ACTRT1: variants seen among roughly 807,000 people sequenced by gnomAD.
ACTRT1 encodes the protein actin-related protein T1.
In ACTRT1, 1 loss-of-function variant was observed where a neutral mutation model predicts 1.4. That is an observed-to-expected ratio of 0.69 (90% CI 0.25 to 3.28). The LOEUF (loss-of-function observed/expected upper bound fraction) is 3.28. ACTRT1 is among the 30% of genes most tolerant of loss of function. ACTRT1 has a pLI of 0.20. For missense variants in ACTRT1, 334 were observed against 291.5 expected, an observed-to-expected ratio of 1.15 and a Z score of -1.06; for synonymous variants, 121 against 115.2, an observed-to-expected ratio of 1.05 and a Z score of -0.32.
rs1206354458 is a variant in ACTRT1 at position 128,051,276 on chromosome X, C to T, written c.931G>A (p.Glu311Lys). The T allele has an allele frequency of 1.7e-6, 2 of 1,210,857 alleles. No individual in the cohort carries two copies. Among genetic ancestry groups the T allele is most frequent in the Non-Finnish European group, 1.1e-6 (1 of 895,359 alleles). The stretch of plus-strand genomic sequence containing the variant: ...TCCACTTCCTTCATGAGCCTTTCCT[C>T]CAGCCCAGGGAGGAGAGTGGTGCCC... ...SGGTTLLPGLEERLMKEVEQL... is the reference protein window; with the variant it reads ...SGGTTLLPGLKERLMKEVEQL... The change falls in exon 1 of 1, where the codon GAG becomes AAG. Residue 311 changes from glutamate (E) to lysine (K), a missense_variant. By Grantham distance (56) the Glu-to-Lys change is moderately conservative. Coordinates refer to ENST00000371124, the MANE Select transcript of ACTRT1 (RefSeq NM_138289.4).
rs766476347 is a variant in ACTRT1, at chrX:128,051,981, G to A, written c.226C>T (p.Arg76Cys). 3.3e-5 allele frequency: 40 copies of A among 1,211,453 alleles called. No individual in the cohort carries two copies. The South Asian group carries it at 6.7e-4, about 20-fold the overall frequency. The change falls in exon 1 of 1, where the codon CGT becomes TGT. Residue 76 changes from arginine to cysteine, a missense_variant. Arg to Cys is a radical substitution (Grantham distance 180). Transcript: ENST00000371124. ...EALHLHYPIE[R>C]GLVTGWDDME... ...TCATCCCATCCTGTTACCAGTCCAC[G>A]CTCAATGGGGTAGTGCAAATGTAGG...
chrX:128,051,109 A>G lies in ACTRT1; in HGVS notation c.1098T>C (p.Tyr366=). The G allele has an allele frequency of 1.7e-6, 2 of 1,210,060 alleles. No homozygotes were observed. The highest frequency in any genetic ancestry group is 1.8e-5 in the South Asian group (1 of 56,779). Residue 366 remains tyrosine, a synonymous_variant, in exon 1 of 1, where the codon TAT becomes TAC. Transcript: ENST00000371124. ...ACCTTCTTTGAACCACAGATGTCCC[A>G]TACTCCTTGAAGTCTGCCGAGGTGA... ...MWVTSADFKE[Y]GTSVVQRRCF
rs776268652 is a variant in ACTRT1, at chrX:128,051,923, C to T, written c.284G>A (p.Arg95Gln). The T allele has an allele frequency of 2.3e-5, 28 of 1,210,116 alleles. No individual in the cohort carries two copies. In the East Asian group the frequency reaches 3.3e-4, roughly 14 times the overall value. Residue 95 changes from arginine to glutamine, a missense_variant, in exon 1 of 1, where the codon CGG becomes CAG. Transcript: ENST00000371124. ...TTGGCTGGGTTTTACTCCAAGCTCC[C>T]GCTCAAAGAGATGTTTCCAGAGTTT... is the stretch of plus-strand genomic sequence containing the variant. Reference protein sequence around the residue: ...MEKLWKHLFERELGVKPSQQP... With the variant: ...MEKLWKHLFEQELGVKPSQQP...
In ACTRT1 at chrX:128,051,619, G is replaced by C. The variant is rs768394498; in HGVS notation, c.588C>G (p.Leu196=). ...RDITEHLTRL[L]FASGFNFPCI... is the part of the protein sequence containing the mutation. ...AAGGGAAGTTAAACCCGCTAGCAAA[G>C]AGGAGCCGGGTGAGGTGCTCTGTGA... Residue 196 remains leucine (L), a synonymous_variant, in exon 1 of 1, where the codon CTC becomes CTG. Transcript: ENST00000371124. 8.3e-7 allele frequency: 1 copy of C among 1,211,204 alleles called. No individual in the cohort carries two copies. The highest frequency in any genetic ancestry group is 1.1e-6 in the Non-Finnish European group (1 of 895,429).
chrX:128,051,442 C>T lies in ACTRT1; in HGVS notation c.765G>A (p.Leu255=), dbSNP rs1160360503. The T allele has an allele frequency of 1.7e-6, 2 of 1,208,579 alleles. No individual in the cohort carries two copies. The highest frequency in any genetic ancestry group is 4.4e-5 in the Admixed American group (2 of 45,530). The change falls in exon 1 of 1, where the codon CTG becomes CTA. Residue 255 remains leucine (L), a synonymous_variant. Transcript: ENST00000371124. ...CAAAAAGAACCTCGGGCACTTGGTA[C>T]AGCTCATCCCCAAAGTGGATGACAT... ...DGHVIHFGDE[L]YQVPEVLFAP...
rs1435981537 is a variant in ACTRT1 at position 128,052,250 on chromosome X, A to G, written c.-44T>C. The G allele has an allele frequency of 8.9e-7, 1 of 1,125,321 alleles. No individual in the cohort carries two copies. The highest frequency in any genetic ancestry group is 2.2e-5 in the South Asian group (1 of 45,020). The allele number at this position is 1,125,321 out of a possible 1,213,427, so 92.7% of individuals were successfully genotyped here. A position where few individuals can be genotyped will look rare whatever the true frequency, so the allele number is the denominator to read the frequency against. On this transcript the variant is annotated 5_prime_UTR_variant, in exon 1 of 1. Transcript: ENST00000371124. ...TGGACTTCCCCCAAATAAAGAAAGA[A>G]CACTTACGTCACTCTCTGAGATGAC... is the stretch of plus-strand genomic sequence containing the variant.
In ACTRT1 at chrX:128,051,994, G is replaced by C. The variant is rs777364771; in HGVS notation, c.213C>G (p.His71Gln). 4.5e-5 allele frequency: 54 copies of C among 1,211,594 alleles called. No homozygotes were observed. Among genetic ancestry groups the C allele is most frequent in the Non-Finnish European group, 6.0e-5 (54 of 895,444 alleles). The change falls in exon 1 of 1, where the codon CAC (histidine) becomes CAG (glutamine). Residue 71 changes from histidine (H) to glutamine (Q), a missense_variant. By Grantham distance (24) the His-to-Gln change is conservative. Transcript: ENST00000371124. ...ALYKYEALHL[H>Q]YPIERGLVTG... ...TTACCAGTCCACGCTCAATGGGGTA[G>C]TGCAAATGTAGGGCCTCATACTTGT...
chrX:128,051,246 G>A lies in ACTRT1; in HGVS notation c.961C>T (p.Leu321=). Residue 321 remains leucine (L), a synonymous_variant, in exon 1 of 1, where the codon CTG becomes TTG. Transcript: ENST00000371124. Reference sequence around the variant, plus strand: ...TTGATGGGAGTACCTTTGGAAGCCAGCTGTTCCACTTCCTTCATGAGCCTT... The same window carrying A: ...TTGATGGGAGTACCTTTGGAAGCCAACTGTTCCACTTCCTTCATGAGCCTT... ...EERLMKEVEQ[L]ASKGTPIKIT... 1 of 1,211,091 alleles carries A rather than the reference G, an allele frequency of 8.3e-7. No homozygotes were observed.
Position 128,051,168 on chromosome X carries a change from T to C in ACTRT1, c.1039A>G (p.Met347Val), listed in dbSNP as rs1341644647. ...CFSAWIGASIMTSMSSFKQMW... is the reference protein window; with the variant it reads ...CFSAWIGASIVTSMSSFKQMW... ...TGCTTGAAACTGCTCATAGAGGTCA[T>C]GATGGATGCACCAATCCATGCAGAG... Residue 347 changes from methionine to valine, a missense_variant, in exon 1 of 1, where the codon ATG (methionine) becomes GTG (valine). By Grantham distance (21) the Met-to-Val change is conservative (BLOSUM62 1). Coordinates refer to ENST00000371124, the MANE Select transcript of ACTRT1 (RefSeq NM_138289.4). 2.4e-5 allele frequency: 29 copies of C among 1,210,300 alleles called. No individual in the cohort carries two copies. The highest frequency in any genetic ancestry group is 2.3e-4 in the Middle Eastern group (1 of 4,354).
In ACTRT1 at chrX:128,051,016, A is replaced by G. The variant is rs1602587100; in HGVS notation, c.*60T>C. 10 of 1,131,826 alleles carry G rather than the reference A, an allele frequency of 8.8e-6. No individual in the cohort carries two copies. The highest frequency in any genetic ancestry group is 7.2e-5 in the African/African-American group (4 of 55,212). 93.3% of individuals were successfully genotyped at this position (1,131,826 alleles called of 1,213,427 possible). On this transcript the variant is annotated 3_prime_UTR_variant, in exon 1 of 1. Transcript: ENST00000371124. ...ATGCTGAAGCCCAGAAGAAAATGCCATCTCCCACTGGTACTCCTGTAATCT... is the reference window on the plus strand; with the variant it reads ...ATGCTGAAGCCCAGAAGAAAATGCCGTCTCCCACTGGTACTCCTGTAATCT...
rs201507937 is a variant in ACTRT1 at position 128,051,262 on chromosome X, C to T, written c.945G>A (p.Met315Ile). Residue 315 changes from methionine to isoleucine, a missense_variant, in exon 1 of 1, where the codon ATG (methionine) becomes ATA (isoleucine). Transcript: ENST00000371124. ...TLLPGLEERL[M>I]KEVEQLASKG... ...TGGAAGCCAGCTGTTCCACTTCCTT[C>T]ATGAGCCTTTCCTCCAGCCCAGGGA... is the stretch of plus-strand genomic sequence containing the variant. 8.3e-7 allele frequency: 1 copy of T among 1,208,404 alleles called. No individual in the cohort carries two copies. The highest frequency in any genetic ancestry group is 3.0e-5 in the East Asian group (1 of 33,592).
chrX:128,051,131 G>T lies in ACTRT1; in HGVS notation c.1076C>A (p.Thr359Asn). The change falls in exon 1 of 1, where the codon ACC becomes AAC. Residue 359 changes from threonine (T) to asparagine (N), a missense_variant. Coordinates refer to ENST00000371124, the MANE Select transcript of ACTRT1 (RefSeq NM_138289.4). ...CCCATACTCCTTGAAGTCTGCCGAG[G>T]TGACCCACATCTGCTTGAAACTGCT... is the stretch of plus-strand genomic sequence containing the variant. ...SMSSFKQMWV[T>N]SADFKEYGTS... is the part of the protein sequence containing the mutation. 1 of 1,209,898 alleles carries T rather than the reference G, an allele frequency of 8.3e-7. No individual in the cohort carries two copies. Among genetic ancestry groups the T allele is most frequent in the South Asian group, 1.8e-5 (1 of 56,801 alleles).
chrX:128,051,165 T>C lies in ACTRT1; in HGVS notation c.1042A>G (p.Thr348Ala). 1.7e-6 allele frequency: 2 copies of C among 1,209,815 alleles called. No individual in the cohort carries two copies. Among genetic ancestry groups the C allele is most frequent in the Non-Finnish European group, 2.2e-6 (2 of 895,189 alleles). ...ATCTGCTTGAAACTGCTCATAGAGG[T>C]CATGATGGATGCACCAATCCATGCA... ...FSAWIGASIM[T>A]SMSSFKQMWV... is the part of the protein sequence containing the mutation. Residue 348 changes from threonine (T) to alanine (A), a missense_variant, in exon 1 of 1, where the codon ACC (threonine) becomes GCC (alanine). Coordinates refer to ENST00000371124, the MANE Select transcript of ACTRT1 (RefSeq NM_138289.4).
chrX:128,052,108 A>G lies in ACTRT1; in HGVS notation c.99T>C (p.His33=). The change falls in exon 1 of 1, where the codon CAT becomes CAC. Residue 33 remains histidine, a synonymous_variant. Transcript: ENST00000371124. ...AATGTCCCAAGACGGAGCTGATGAC[A>G]TGGCGGGGTCCAATCTCTCCAGACA... ...AGLSGEIGPR[H]VISSVLGHCK... 4.1e-6 allele frequency: 5 copies of G among 1,211,824 alleles called. No individual in the cohort carries two copies. The highest frequency in any genetic ancestry group is 4.5e-6 in the Non-Finnish European group (4 of 895,533).
At position 128,051,361 on chromosome X, in the gene ACTRT1, G is replaced by A; in HGVS notation, c.846C>T (p.Ser282=). 8.3e-7 allele frequency: 1 copy of A among 1,210,592 alleles called. No homozygotes were observed. The highest frequency in any genetic ancestry group is 1.8e-5 in the South Asian group (1 of 56,863). ...SPGLSKMVSS[S]IMKCDTDIQN... is the part of the protein sequence containing the mutation. ...GGATGTCAGTGTCACACTTCATGAT[G>A]CTGCTGGAGACCATTTTTGAGAGTC... Residue 282 remains serine, a synonymous_variant, in exon 1 of 1, where the codon AGC becomes AGT. Transcript: ENST00000371124.
At position 128,051,397 on chromosome X, in the gene ACTRT1, G is replaced by A; in HGVS notation, c.810C>T (p.Ile270=). 8.3e-7 allele frequency: 1 copy of A among 1,210,617 alleles called. No homozygotes were observed. The highest frequency in any genetic ancestry group is 1.1e-6 in the Non-Finnish European group (1 of 895,249). ...EVLFAPDQLG[I]HSPGLSKMVS... ...CCATTTTTGAGAGTCCTGGGCTGTGGATGCCCAGCTGGTCAGGTGCAAAAA... is the reference window on the plus strand; with the variant it reads ...CCATTTTTGAGAGTCCTGGGCTGTGAATGCCCAGCTGGTCAGGTGCAAAAA... The change falls in exon 1 of 1, where the codon ATC becomes ATT. Residue 270 remains isoleucine (I), a synonymous_variant. Transcript: ENST00000371124.
Position 128,052,151 on chromosome X carries a change from C to G in ACTRT1, c.56G>C (p.Gly19Ala), listed in dbSNP as rs976453923. 3 of 1,206,955 alleles carry G rather than the reference C, an allele frequency of 2.5e-6. No homozygotes were observed. Among genetic ancestry groups the G allele is most frequent in the Middle Eastern group, 4.7e-4 (2 of 4,257 alleles). Reference sequence around the variant, plus strand: ...TCCAGACAGGCCTGCTTTGCAGAGTCCTGAACCATTGTCAAAAATTACAGC... The same window carrying G: ...TCCAGACAGGCCTGCTTTGCAGAGTGCTGAACCATTGTCAAAAATTACAGC... ...VPAVIFDNGS[G>A]LCKAGLSGEI... The change falls in exon 1 of 1, where the codon GGA becomes GCA. Residue 19 changes from glycine to alanine, a missense_variant. Physicochemically the swap from Gly to Ala is moderately conservative, Grantham distance 60 (BLOSUM62 0). Coordinates refer to ENST00000371124, the MANE Select transcript of ACTRT1 (RefSeq NM_138289.4).
Position 128,051,817 on chromosome X carries a change from G to A in ACTRT1, c.390C>T (p.Phe130=), listed in dbSNP as rs1418010830. Residue 130 remains phenylalanine, a synonymous_variant, in exon 1 of 1, where the codon TTC becomes TTT. Coordinates refer to ENST00000371124, the MANE Select transcript of ACTRT1 (RefSeq NM_138289.4). ...TAGACAGGTAGAAACCAGGCACACT[G>A]AAGGTCTCAAACATCATTTCTGCTA... ...EKLAEMMFET[F]SVPGFYLSNH... is the part of the protein sequence containing the mutation. 1.7e-6 allele frequency: 2 copies of A among 1,209,686 alleles called. No homozygotes were observed. The highest frequency in any genetic ancestry group is 2.2e-6 in the Non-Finnish European group (2 of 895,159).
chrX:128,051,198 A>G lies in ACTRT1; in HGVS notation c.1009T>C (p.Cys337Arg). The G allele has an allele frequency of 8.3e-7, 1 of 1,210,862 alleles. No individual in the cohort carries two copies. The highest frequency in any genetic ancestry group is 1.8e-5 in the South Asian group (1 of 56,875). Reference protein sequence around the residue: ...PIKITASPDRCFSAWIGASIM... With the variant: ...PIKITASPDRRFSAWIGASIM... ...GATGCACCAATCCATGCAGAGAAGC[A>G]TCTATCAGGAGAAGCTGTGATCTTG... The change falls in exon 1 of 1, where the codon TGC becomes CGC. Residue 337 changes from cysteine (C) to arginine (R), a missense_variant. Transcript: ENST00000371124.
Sources: allele counts gnomAD v4.1 joint callset, GRCh38; gene constraint gnomAD v4.1.1; transcripts MANE v1.5; gene names NCBI Gene and HGNC (gene_info 2026-07-23, HGNC 2026-07-21).